CAMLG: variants seen among roughly 807,000 people sequenced by gnomAD.
The protein encoded by CAMLG is guided entry of tail-anchored proteins factor CAMLG.
CAMLG carries 23 observed loss-of-function variants against 28.9 expected under a neutral mutation model. The ratio of observed to expected loss-of-function variants is 0.80; its 90% CI spans 0.57 to 1.13. The LOEUF (loss-of-function observed/expected upper bound fraction) is 1.13, where lower values mean the gene tolerates loss of function less well. CAMLG is among the 50% of genes most tolerant of loss of function. The pLI is 0.00. For synonymous variants in CAMLG, 141 were observed against 146.5 expected, an observed-to-expected ratio of 0.96 and a Z score of 0.27; for missense variants, 367 against 371.9, an observed-to-expected ratio of 0.99 and a Z score of 0.11.
At chr5:134,750,344 C>T (rs1753099502) in intron 3 of CAMLG, among the ~76,000 whole-genome samples, 1 of 152,028 alleles carries the variant, frequency 6.6e-6, no homozygotes, top group East Asian at 1.9e-4. Context: ...TTGAGACCAG[C>T]CTGACCAACA....
chr5:134,741,168 C>G lies in CAMLG; in HGVS notation c.278C>G (p.Thr93Arg). 1 of 1,613,960 alleles carries G rather than the reference C, an allele frequency of 6.2e-7. No individual in the cohort carries two copies. The highest frequency in any genetic ancestry group is 1.1e-5 in the South Asian group (1 of 91,086). ...GTAGTGCTGGGTGATTCAGTCAGTA[C>G]AGGAACAACTGACCAGCAGGGTGGT... ...KRVVLGDSVS[T>R]GTTDQQGGVA... Residue 93 changes from threonine to arginine, a missense_variant, in exon 2 of 4, where the codon ACA becomes AGA. Transcript: ENST00000297156.
In CAMLG at chr5:134,752,029, G is replaced by A. The variant is rs1405749284; in HGVS notation, c.*1079G>A. The A allele has an allele frequency of 2.0e-5, 3 of 152,120 alleles. No individual in the cohort carries two copies. The highest frequency in any genetic ancestry group is 4.4e-5 in the Non-Finnish European group (3 of 68,028). 9.4% of individuals were successfully genotyped at this position (152,120 alleles called of 1,614,324 possible). A position where few individuals can be genotyped will look rare whatever the true frequency, so the allele number is the denominator to read the frequency against. ...CTCAGTAACTGCCATATTTTGTTGG[G>A]TTGTCTTCTTAAAAGAATATAAGAC... On this transcript the variant is annotated 3_prime_UTR_variant, in exon 4 of 4. Transcript: ENST00000297156.
At chr5:134,750,014 G>A (rs977823849) in intron 3 of CAMLG, among the ~76,000 whole-genome samples, 3 of 152,176 alleles carry the variant, frequency 2.0e-5, no homozygotes, top group Non-Finnish European at 4.4e-5. Flanking sequence ...CTGAAGGCCT[G>A]TTTTTAATTT....
chr5:134,750,946 C>G lies in CAMLG; in HGVS notation c.887C>G (p.Pro296Arg). ...ELLDYWGSEV[P>R] is the part of the protein sequence containing the mutation. ...CTTGATTATTGGGGCTCTGAAGTAC[C>G]ATGAAGCCTGTAGAACTGAGAAGGA... Residue 296 changes from proline to arginine, a missense_variant, in exon 4 of 4, where the codon CCA becomes CGA. Transcript: ENST00000297156. 2.5e-6 allele frequency: 4 copies of G among 1,604,060 alleles called. No homozygotes were observed. Among genetic ancestry groups the G allele is most frequent in the Non-Finnish European group, 3.4e-6 (4 of 1,174,014 alleles).
In CAMLG at chr5:134,744,031, A is replaced by G. The variant is rs780768909; in HGVS notation, c.678A>G (p.Gly226=). Residue 226 remains glycine (G), a synonymous_variant, in exon 3 of 4, where the codon GGA becomes GGG. Coordinates refer to ENST00000297156, the MANE Select transcript of CAMLG (RefSeq NM_001745.4). The part of the protein sequence containing the change: ...PFLTLQLAYM[G]LYKYFPKSEK... ...TTACTTTACAACTTGCGTACATGGG[A>G]TTATACAAATATTTTCCCAAGGTAA... is the stretch of plus-strand genomic sequence containing the variant. 1 of 1,427,454 alleles carries G rather than the reference A, an allele frequency of 7.0e-7. No homozygotes were observed. Among genetic ancestry groups the G allele is most frequent in the East Asian group, 2.3e-5 (1 of 43,902 alleles). 88.4% of individuals were successfully genotyped at this position (1,427,454 alleles called of 1,614,324 possible).
At chr5:134,741,655 A>AT in intron 2 of CAMLG, 132 bp downstream of exon 2, 2 of 644,210 alleles carry the variant, frequency 3.1e-6, no homozygotes, top group Admixed American at 5.7e-5. Flanking sequence ...GTTTGAAGAT[A>AT]TATTATTAAC....
rs1002532019 is a variant in CAMLG at position 134,751,974 on chromosome 5, A to G, written c.*1024A>G. 2.0e-5 allele frequency: 3 copies of G among 152,260 alleles called. No homozygotes were observed. Among genetic ancestry groups the G allele is most frequent in the Non-Finnish European group, 4.4e-5 (3 of 68,048 alleles). The allele number at this position is 152,260 out of a possible 1,614,324, so 9.4% of individuals were successfully genotyped here. On this transcript the variant is annotated 3_prime_UTR_variant, in exon 4 of 4. Coordinates refer to ENST00000297156, the MANE Select transcript of CAMLG (RefSeq NM_001745.4). ...TGGGATTACAGGCGTGAGCCACTGC[A>G]CCTGGCCTTATAAATATCCTTTTAA...
chr5:134,743,761 A>G (rs1753012247), intron 2 of CAMLG, among the ~76,000 whole-genome samples: 1 of 151,048 alleles, frequency 6.6e-6, no homozygotes, highest in South Asian at 2.1e-4. Context: ...ATCTACTCAG[A>G]AGGCTGAGGC....
chr5:134,738,566 C>CAGCGG lies in CAMLG; in HGVS notation c.-54_-50dup. On this transcript the variant is annotated 5_prime_UTR_variant, in exon 1 of 4. Coordinates refer to ENST00000297156, the MANE Select transcript of CAMLG (RefSeq NM_001745.4). Reference sequence around the variant, plus strand: ...GCCCGGCCTCTAGTCATCGCCCTCGCAGCGGCGGCCAACATCACCGCCACT... The same window carrying CAGCGG: ...GCCCGGCCTCTAGTCATCGCCCTCGCAGCGGAGCGGCGGCCAACATCACCGCCACT... 1 of 1,443,734 alleles carries CAGCGG rather than the reference C, an allele frequency of 6.9e-7. No individual in the cohort carries two copies. The highest frequency in any genetic ancestry group is 9.3e-7 in the Non-Finnish European group (1 of 1,070,712). 89.4% of individuals were successfully genotyped at this position (1,443,734 alleles called of 1,614,324 possible).
intron 3 of CAMLG, among the ~76,000 whole-genome samples, chr5:134,746,940 T>C (rs1753056293): frequency 6.6e-6 from 1 of 151,990 alleles, no homozygotes; most frequent in Non-Finnish European, 1.5e-5. Flanking sequence ...ATACAAAAAT[T>C]AGCTTGGCAT....
At position 134,741,185 on chromosome 5, in the gene CAMLG, C is replaced by T. The variant is rs1379655390; in HGVS notation, c.295C>T (p.Gln99Ter). The change falls in exon 2 of 4, where the codon CAG (glutamine) becomes TAG (stop). Residue 99 changes from glutamine (Q) to a stop codon, truncating the protein, a stop_gained. Transcript: ENST00000297156. LOFTEE classifies it high-confidence loss of function. ...AGTCAGTACAGGAACAACTGACCAG[C>T]AGGGTGGTGTGGCCGAGGTAAAGGG... is the stretch of plus-strand genomic sequence containing the variant. ...DSVSTGTTDQ[Q>*]GGVAEVKGTQ... 1 of 1,614,062 alleles carries T rather than the reference C, an allele frequency of 6.2e-7. No homozygotes were observed. Among genetic ancestry groups the T allele is most frequent in the Non-Finnish European group, 8.5e-7 (1 of 1,179,928 alleles).
intron 2 of CAMLG, among the ~76,000 whole-genome samples, chr5:134,742,621 C>T (rs551711517): frequency 4.6e-5 from 7 of 152,246 alleles, no homozygotes; most frequent in Admixed American, 3.9e-4. Flanking sequence ...TGCAGAAAAG[C>T]ATAGCTCATA....
At chr5:134,743,273 A>G (rs967390664) in intron 2 of CAMLG, among the ~76,000 whole-genome samples, 1 of 152,190 alleles carries the variant, frequency 6.6e-6, no homozygotes, top group Non-Finnish European at 1.5e-5. Context: ...AACATCTGTC[A>G]CCATTTAATA....
intron 1 of CAMLG, among the ~76,000 whole-genome samples, chr5:134,739,392 G>A (rs960548466): frequency 8.5e-5 from 13 of 152,164 alleles, no homozygotes; most frequent in Non-Finnish European, 1.5e-4. Flanking sequence ...GGAAAAGTGA[G>A]AGTGAGCATT....
intron 1 of CAMLG, among the ~76,000 whole-genome samples, chr5:134,740,689 G>A (rs936533346): frequency 6.6e-6 from 1 of 152,066 alleles, no homozygotes; most frequent in Non-Finnish European, 1.5e-5. Context: ...TCCTCCCCCC[G>A]GGTTTCAAGT....
intron 2 of CAMLG, among the ~76,000 whole-genome samples, chr5:134,743,738 C>T (rs972231221): frequency 6.6e-6 from 1 of 151,900 alleles, no homozygotes; most frequent in Non-Finnish European, 1.5e-5. Flanking sequence ...TGGTGGCGGG[C>T]GCCTGTAATC....
intron 2 of CAMLG, among the ~76,000 whole-genome samples, chr5:134,741,803 G>A (rs531510042): frequency 3.3e-5 from 5 of 152,230 alleles, no homozygotes; most frequent in Admixed American, 6.5e-5. Flanking sequence ...GGATTTAGCC[G>A]GGCGTGGTGG....
chr5:134,743,270 G>A (rs2150121225), intron 2 of CAMLG, among the ~76,000 whole-genome samples: 1 of 152,210 alleles, frequency 6.6e-6, no homozygotes, highest in Admixed American at 6.6e-5. Context: ...TTAAACATCT[G>A]TCACCATTTA....
chr5:134,742,707 A>T (rs935998433), intron 2 of CAMLG, among the ~76,000 whole-genome samples: 1 of 152,124 alleles, frequency 6.6e-6, no homozygotes, highest in African/African-American at 2.4e-5. Context: ...AAATATCCAG[A>T]TAATTAAAGT....
Sources: allele counts gnomAD v4.1 joint callset (sites outside exome capture counted in the v4.1 genomes callset), GRCh38; gene constraint gnomAD v4.1.1; transcripts MANE v1.5; gene names NCBI Gene and HGNC (gene_info 2026-07-23, HGNC 2026-07-21).